The following TGFBR3 variants were observed in gnomAD, a reference collection of about 807,000 sequenced individuals.
The protein encoded by TGFBR3 is transforming growth factor beta receptor 3.
A neutral mutation model predicts 87.9 loss-of-function variants in TGFBR3; 46 were observed. The observed-to-expected ratio is 0.52, with a 90% CI of 0.41 to 0.67. The LOEUF (loss-of-function observed/expected upper bound fraction) is 0.67. Among genes scored for constraint, TGFBR3 ranks in the 30% least tolerant of loss-of-function variants. The pLI is 0.00. For missense variants in TGFBR3, 866 were observed against 1,041.9 expected (o/e 0.83, Z 2.32); for synonymous variants, 381 against 391.6 (o/e 0.97, Z 0.32).
intron 2 of TGFBR3, among the ~76,000 whole-genome samples, chr1:91,818,639 T>A (rs750269516): frequency 2.0e-5 from 3 of 152,156 alleles, no homozygotes; most frequent in Non-Finnish European, 4.4e-5. Flanking sequence ...CAAGGGAGTA[T>A]TCAGAGATGT....
At chr1:91,739,635 A>G (rs1297106985) in intron 4 of TGFBR3, among the ~76,000 whole-genome samples, 2 of 152,158 alleles carry the variant, frequency 1.3e-5, no homozygotes, top group African/African-American at 2.4e-5. Context: ...CCAACTACCA[A>G]GGGACCTCAC....
At chr1:91,894,830 G>C (rs1679521098) in intron 2 of TGFBR3, among the ~76,000 whole-genome samples, 1 of 152,202 alleles carries the variant, frequency 6.6e-6, no homozygotes, top group Admixed American at 6.5e-5. Flanking sequence ...GAGTGCAGTG[G>C]CACAAACTCG....
At chr1:91,849,185 C>T (rs1571570166) in intron 2 of TGFBR3, among the ~76,000 whole-genome samples, 1 of 152,266 alleles carries the variant, frequency 6.6e-6, no homozygotes, top group Admixed American at 6.5e-5. Flanking sequence ...CTATTCTCAG[C>T]CCAGCAGCCA....
intron 1 of TGFBR3, among the ~76,000 whole-genome samples, chr1:91,877,834 T>C (rs577232813): frequency 6.6e-6 from 1 of 152,282 alleles, no homozygotes; most frequent in South Asian, 2.1e-4. Flanking sequence ...AGGATTCAGA[T>C]GATTTATCAC....
At chr1:91,855,954 A>G (rs967224421) in intron 2 of TGFBR3, among the ~76,000 whole-genome samples, 11 of 151,832 alleles carry the variant, frequency 7.2e-5, no homozygotes, top group African/African-American at 2.7e-4. Flanking sequence ...ATTTCTAATC[A>G]AGAGGCATTA....
In TGFBR3 at chr1:91,818,277, CCTTTTTTTTTTTTT is replaced by C. The variant is rs1166966492; in HGVS notation, c.62-20820_62-20807del. Among the ~76,000 whole-genome samples the C allele has an allele frequency of 1.4e-4, 17 of 123,134 alleles. 1 individual carries two copies. The highest frequency in any genetic ancestry group is 4.7e-4 in the African/African-American group (16 of 33,994). 80.8% of individuals were successfully genotyped at this position (123,134 alleles called of 152,430 possible). On this transcript the variant is annotated intron_variant, in intron 2 of 16. Transcript: ENST00000212355. ...CTGCACCATTTCCCCTTAGCCCCAG[CCTTTTTTTTTTTTT>C]TTTTTTTTTTTTTTTTTTTTTTTTT...
chr1:91,843,098 T>C, intron 2 of TGFBR3, among the ~76,000 whole-genome samples: 1 of 152,220 alleles, frequency 6.6e-6, no homozygotes, highest in East Asian at 1.9e-4. Flanking sequence ...ACCAAAAATA[T>C]GCCTGAATAA....
intron 3 of TGFBR3, among the ~76,000 whole-genome samples, chr1:91,769,538 CCAA>C (rs1674302002): frequency 6.6e-6 from 1 of 152,274 alleles, no homozygotes; most frequent in South Asian, 2.1e-4. Flanking sequence ...ACTATCATGA[CCAA>C]CAACATCTCC....
rs1673834869 is a variant in TGFBR3, at chr1:91,758,600, T to C, written c.384+13A>G. On this transcript the variant is annotated intron_variant, in intron 4 of 16. Transcript: ENST00000212355. The stretch of plus-strand genomic sequence containing the variant: ...GTGCTAAGGATCAGTTTGGGGGAGG[T>C]TTAAGCACTTACCAAAAACAGTCTG... The C allele has an allele frequency of 6.2e-7, 1 of 1,613,360 alleles. No homozygotes were observed. The highest frequency in any genetic ancestry group is 1.3e-5 in the African/African-American group (1 of 74,730).
chr1:91,891,890 A>G (rs1178380851), intron 2 of TGFBR3, among the ~76,000 whole-genome samples: 3 of 152,198 alleles, frequency 2.0e-5, no homozygotes, highest in Admixed American at 6.5e-5. Flanking sequence ...CACATTTTCT[A>G]TATCTATCTA....
chr1:91,854,112 T>C (rs1397232471), intron 2 of TGFBR3, among the ~76,000 whole-genome samples: 3 of 152,036 alleles, frequency 2.0e-5, no homozygotes, highest in Non-Finnish European at 4.4e-5. Context: ...TGGTCAAATA[T>C]ACAAAATTTC....
At position 91,891,569 on chromosome 1, in the gene TGFBR3, C is replaced by G. The variant is rs12080220; in HGVS notation, c.-114+8068G>C. Among the ~76,000 whole-genome samples the G allele has an allele frequency of 8.8e-3, 1,330 of 151,710 alleles. 25 individuals carry two copies. Among genetic ancestry groups the G allele is most frequent in the African/African-American group, 0.03 (1,252 of 41,392 alleles). On this transcript the variant is annotated intron_variant, in intron 2 of 17. Transcript: ENST00000370399. ...AAAAATGAAAGTTTGTTTAGAAGAA[C>G]TATTACCCCACCACCACCACATAAA...
At chr1:91,903,440 G>T (rs1207447915) in intron 1 of TGFBR3, among the ~76,000 whole-genome samples, 8 of 149,302 alleles carry the variant, frequency 5.4e-5, no homozygotes, top group Admixed American at 6.7e-5. Flanking sequence ...GGCAAATTCT[G>T]ATTATCTATA....
chr1:91,904,138 C>T (rs1443021427), intron 1 of TGFBR3, among the ~76,000 whole-genome samples: 1 of 152,136 alleles, frequency 6.6e-6, no homozygotes, highest in Admixed American at 6.5e-5. Flanking sequence ...GAGCCGAGAT[C>T]GTGCCACTGC....
chr1:91,818,843 A>T (rs2489177), intron 2 of TGFBR3, among the ~76,000 whole-genome samples: 2 of 152,228 alleles, frequency 1.3e-5, no homozygotes, highest in Non-Finnish European at 2.9e-5. Context: ...AGAGTTTTGC[A>T]TGTCTTTTGT....
intron 3 of TGFBR3, among the ~76,000 whole-genome samples, chr1:91,769,999 A>C (rs535220046): frequency 8.1e-4 from 123 of 152,324 alleles, no homozygotes; most frequent in Admixed American, 1.2e-3. Context: ...TGATTTCAAG[A>C]CACTGAGTCT....
chr1:91,849,202 T>C (rs1302180634), intron 2 of TGFBR3, among the ~76,000 whole-genome samples: 2 of 152,072 alleles, frequency 1.3e-5, no homozygotes, highest in African/African-American at 4.8e-5. Context: ...GCCAGAGTGG[T>C]CCTGTTAAGA....
intron 14 of TGFBR3, among the ~76,000 whole-genome samples, chr1:91,702,334 T>C (rs937990615): frequency 2.0e-5 from 3 of 152,178 alleles, no homozygotes; most frequent in African/African-American, 4.8e-5. Context: ...CTTCACACCA[T>C]TTTCAGAGTA....
chr1:91,873,892 G>A (rs1678683441), intron 1 of TGFBR3, among the ~76,000 whole-genome samples: 1 of 151,858 alleles, frequency 6.6e-6, no homozygotes. Flanking sequence ...AGAGGTTGCA[G>A]TGAGCCAAGA....
Sources: allele counts gnomAD v4.1 joint callset (sites outside exome capture counted in the v4.1 genomes callset), GRCh38; gene constraint gnomAD v4.1.1; transcripts MANE v1.5; gene names NCBI Gene and HGNC (gene_info 2026-07-23, HGNC 2026-07-21).